The following SHANK2 variants were observed in gnomAD, a reference collection of about 807,000 sequenced individuals.
The protein encoded by SHANK2 is SH3 and multiple ankyrin repeat domains 2, also known as SH3 and multiple ankyrin repeat domains protein 2.
In SHANK2, 43 loss-of-function variants were observed where a neutral mutation model predicts 133.7. The observed-to-expected ratio is 0.32, with a 90% CI of 0.25 to 0.41. The LOEUF (loss-of-function observed/expected upper bound fraction) is 0.41. Ranked by LOEUF, SHANK2 falls within the 10% of genes least tolerant of loss-of-function variation. The pLI is 1.00. For synonymous variants in SHANK2, 1,017 were observed against 952.8 expected (o/e 1.07, Z -1.24); for missense variants, 1,994 against 2,235.8 (o/e 0.89, Z 2.18).
intron 15 of SHANK2, among the ~76,000 whole-genome samples, chr11:70,695,919 G>T (rs917630426): frequency 2.0e-5 from 3 of 152,226 alleles, no homozygotes; most frequent in Non-Finnish European, 4.4e-5. Context: ...TCTGATCAAG[G>T]CTGAAGCTTT....
chr11:71,168,747 A>G (rs545660845), intron 2 of SHANK2, among the ~76,000 whole-genome samples: 1 of 152,220 alleles, frequency 6.6e-6, no homozygotes, highest in South Asian at 2.1e-4. Flanking sequence ...ATCAGGCAGC[A>G]GTACCGTCCA....
chr11:70,590,764 G>T (rs1554987820), intron 17 of SHANK2, among the ~76,000 whole-genome samples: 2 of 149,612 alleles, frequency 1.3e-5, no homozygotes, highest in Admixed American at 1.3e-4. Flanking sequence ...TATGCACTGG[G>T]AAACCAAAAA....
chr11:70,918,944 A>G (rs1950308654), intron 10 of SHANK2, among the ~76,000 whole-genome samples: 1 of 152,138 alleles, frequency 6.6e-6, no homozygotes. Context: ...CGGATGGATC[A>G]CTTGAGCCCA....
At chr11:71,079,288 C>A (rs1951260291) in intron 8 of SHANK2, among the ~76,000 whole-genome samples, 1 of 152,222 alleles carries the variant, frequency 6.6e-6, no homozygotes, top group African/African-American at 2.4e-5. Context: ...GAGGGAGTCT[C>A]CCAGATGGAA....
At chr11:70,586,451 G>A (rs1036350268) in intron 17 of SHANK2, among the ~76,000 whole-genome samples, 6 of 152,256 alleles carry the variant, frequency 3.9e-5, no homozygotes, top group South Asian at 2.1e-4. Flanking sequence ...AGGCGTGGCC[G>A]GGGCTAGTGG....
intron 9 of SHANK2, among the ~76,000 whole-genome samples, chr11:71,065,466 T>C (rs1170338521): frequency 1.1e-5 from 1 of 87,368 alleles, no homozygotes; most frequent in Non-Finnish European, 2.2e-5. Context: ...TTGGGGGGTG[T>C]GTGCAGAACT....
At chr11:70,859,131 G>A (rs995936770) in intron 11 of SHANK2, among the ~76,000 whole-genome samples, 13 of 152,166 alleles carry the variant, frequency 8.5e-5, no homozygotes, top group Non-Finnish European at 1.9e-4. Context: ...TGGATAGGTC[G>A]GTGGATGAAT....
At chr11:71,252,934 A>G (rs1174250305), upstream of SHANK2, among the ~76,000 whole-genome samples, 1 of 152,240 alleles carries the variant, frequency 6.6e-6, no homozygotes, top group East Asian at 1.9e-4. The surrounding 1 kb of genome is among the most constrained non-coding windows in gnomAD (Gnocchi z 6.3). Context: ...GTTATCCCGA[A>G]CGCAGCTGGC....
At chr11:70,573,564 G>A (rs2060077699) in intron 17 of SHANK2, among the ~76,000 whole-genome samples, 1 of 148,260 alleles carries the variant, frequency 6.7e-6, no homozygotes, top group South Asian at 2.2e-4. Flanking sequence ...GGGGGGTGGG[G>A]CATGGCATTT....
intron 17 of SHANK2, among the ~76,000 whole-genome samples, chr11:70,657,975 A>G (rs1000355528): frequency 4.6e-5 from 7 of 152,102 alleles, no homozygotes; most frequent in African/African-American, 1.7e-4. Context: ...GGGCCCACAC[A>G]CGTGCCTCAG....
At chr11:70,880,101 T>G (rs1949635986) in intron 11 of SHANK2, among the ~76,000 whole-genome samples, 1 of 152,182 alleles carries the variant, frequency 6.6e-6, no homozygotes, top group South Asian at 2.1e-4. Context: ...CGGCTAGCCT[T>G]GGGATAGTTA....
At chr11:70,890,289 AG>A (rs1949818825) in intron 11 of SHANK2, among the ~76,000 whole-genome samples, 1 of 151,940 alleles carries the variant, frequency 6.6e-6, no homozygotes, top group South Asian at 2.1e-4. Context: ...AGATCACCTG[AG>A]GTCAGGAGTT....
chr11:71,062,349 A>T (rs1950998091), intron 9 of SHANK2, among the ~76,000 whole-genome samples: 1 of 152,226 alleles, frequency 6.6e-6, no homozygotes, highest in Non-Finnish European at 1.5e-5. Flanking sequence ...GAGGAGGCGG[A>T]GAGACCACAG....
chr11:70,822,967 G>A (rs1218339940), intron 11 of SHANK2, among the ~76,000 whole-genome samples: 1 of 123,690 alleles, frequency 8.1e-6, no homozygotes, highest in Non-Finnish European at 1.7e-5. Context: ...ACGGGGGACA[G>A]AGGTGGCGCT....
chr11:70,819,143 C>T (rs1565338831), intron 12 of SHANK2, among the ~76,000 whole-genome samples: 3 of 152,226 alleles, frequency 2.0e-5, no homozygotes, highest in Non-Finnish European at 1.5e-5. Context: ...CACTGAATGC[C>T]GACATCACCA....
intron 17 of SHANK2, among the ~76,000 whole-genome samples, chr11:70,503,853 T>C (rs2059097150): frequency 6.6e-6 from 1 of 152,234 alleles, no homozygotes; most frequent in Non-Finnish European, 1.5e-5. Context: ...AGACTGGAAC[T>C]GGGTGGGCGT....
chr11:71,108,483 T>C (rs1951835102), intron 6 of SHANK2, among the ~76,000 whole-genome samples: 1 of 152,060 alleles, frequency 6.6e-6, no homozygotes, highest in Admixed American at 6.5e-5. Flanking sequence ...CACATGCCCT[T>C]GTCCCAATCA....
chr11:70,782,824 TATC>T (rs1227040904), intron 14 of SHANK2, among the ~76,000 whole-genome samples: 1 of 152,218 alleles, frequency 6.6e-6, no homozygotes, highest in East Asian at 1.9e-4. Context: ...ATCACAACCA[TATC>T]ATCATCGCAC....
intron 17 of SHANK2, among the ~76,000 whole-genome samples, chr11:70,533,328 G>T (rs372871829): frequency 6.6e-6 from 1 of 152,138 alleles, no homozygotes; most frequent in Non-Finnish European, 1.5e-5. Flanking sequence ...GGGCTAAACC[G>T]ATCCTCCTGC....
Sources: gnomAD v4.1 joint callset for allele counts (sites outside exome capture counted in the v4.1 genomes callset) on GRCh38, gnomAD v4.1.1 for gene constraint, Gnocchi (gnomAD v3.1) non-coding constraint, MANE v1.5 for transcripts, NCBI Gene and HGNC (gene_info 2026-07-23, HGNC 2026-07-21) for gene names.